The following GAS7 variants were observed in gnomAD, a reference collection of about 807,000 sequenced individuals.
The protein encoded by GAS7 is growth arrest specific 7.
Under a neutral mutation model 71.1 loss-of-function variants are expected in GAS7, and 28 were observed. The ratio of observed to expected loss-of-function variants is 0.39; its 90% CI spans 0.29 to 0.54. The LOEUF (loss-of-function observed/expected upper bound fraction) is 0.54, where lower values mean the gene tolerates loss of function less well. GAS7 is among the 20% of genes least tolerant of loss of function. The pLI, the probability that GAS7 is intolerant of heterozygous loss-of-function variation, is 0.62. For missense variants in GAS7, 436 were observed against 627.8 expected (o/e 0.69, Z 3.27); for synonymous variants, 258 against 245.8 (o/e 1.05, Z -0.46).
intron 1 of GAS7, among the ~76,000 whole-genome samples, chr17:10,149,392 C>T (rs1341624854): frequency 2.6e-5 from 4 of 152,160 alleles, no homozygotes; most frequent in African/African-American, 4.8e-5. Context: ...CGTGAGCCAC[C>T]GCGCCCGGCC....
At chr17:9,999,991 G>A (rs1216373464) in intron 2 of GAS7, among the ~76,000 whole-genome samples, 5 of 152,156 alleles carry the variant, frequency 3.3e-5, no homozygotes, top group South Asian at 2.1e-4. Flanking sequence ...TTAAAGGAGC[G>A]CTTCTCAAAC....
chr17:10,134,273 C>T (rs1011155540), intron 1 of GAS7, among the ~76,000 whole-genome samples: 17 of 151,994 alleles, frequency 1.1e-4, no homozygotes, highest in African/African-American at 3.4e-4. Context: ...CCTCATGATC[C>T]GCCCGCCTCG....
chr17:9,955,194 A>C (rs973906684), intron 5 of GAS7, among the ~76,000 whole-genome samples: 2 of 152,162 alleles, frequency 1.3e-5, no homozygotes, highest in Non-Finnish European at 2.9e-5. Flanking sequence ...ACACAGCTCC[A>C]CCCTGCGGTG....
At chr17:10,182,853 G>A (rs2074426309) in intron 1 of GAS7, among the ~76,000 whole-genome samples, 1 of 152,162 alleles carries the variant, frequency 6.6e-6, no homozygotes, top group African/African-American at 2.4e-5. Flanking sequence ...CCCAGCAACA[G>A]GCAAAAAGAC....
intron 1 of GAS7, among the ~76,000 whole-genome samples, chr17:10,130,538 A>G (rs1036196893): frequency 3.2e-4 from 48 of 152,210 alleles, no homozygotes; most frequent in Admixed American, 6.5e-5. Context: ...ACCCAAAAAC[A>G]TGTACACAAA....
chr17:10,009,344 A>G (rs1054115108), intron 2 of GAS7, among the ~76,000 whole-genome samples: 4 of 150,300 alleles, frequency 2.7e-5, no homozygotes, highest in Admixed American at 1.3e-4. Context: ...AAAGTGTTCT[A>G]CTGGAAAACT....
intron 2 of GAS7, among the ~76,000 whole-genome samples, chr17:10,005,112 C>A (rs539965191): frequency 6.8e-6 from 1 of 146,198 alleles, no homozygotes; most frequent in Non-Finnish European, 1.5e-5. Flanking sequence ...CATGTGTGTG[C>A]GTGTGCACGC....
chr17:10,182,107 T>C (rs922348007), intron 1 of GAS7, among the ~76,000 whole-genome samples: 2 of 152,134 alleles, frequency 1.3e-5, no homozygotes, highest in African/African-American at 4.8e-5. Context: ...ACAGTAAGTA[T>C]AGTCAGTCAA....
intron 1 of GAS7, among the ~76,000 whole-genome samples, chr17:10,150,341 C>T (rs72809398): frequency 0.055 from 8,315 of 151,966 alleles, 310 homozygotes; most frequent in South Asian, 0.1. Flanking sequence ...CTCCCTTCCG[C>T]CCATTCCCCT....
In GAS7 at chr17:9,959,121, G is replaced by T. The variant is rs779572291; in HGVS notation, c.525+81C>A. On this transcript the variant is annotated intron_variant, in intron 5 of 13. Coordinates refer to ENST00000432992, the MANE Select transcript of GAS7 (RefSeq NM_201433.2). This position sits in a 1 kb window ranked among gnomAD's most constrained non-coding sequence, Gnocchi z 5.0. ...GGTTGGGCATCACTTCTGCTTGGCG[G>T]TCCACATCGCCATGGCAACAGCCCA... is the stretch of plus-strand genomic sequence containing the variant. The T allele has an allele frequency of 6.7e-7, 1 of 1,488,534 alleles. No individual in the cohort carries two copies. Among genetic ancestry groups the T allele is most frequent in the Non-Finnish European group, 9.1e-7 (1 of 1,097,292 alleles). 92.2% of individuals were successfully genotyped at this position (1,488,534 alleles called of 1,614,324 possible).
rs75076136 is a variant in GAS7 at position 10,007,143 on chromosome 17, G to T, written c.304+12634C>A. 1.6e-3 allele frequency among the ~76,000 whole-genome samples: 236 copies of T among 152,184 alleles called. 2 individuals are homozygous for T. Among genetic ancestry groups the T allele is most frequent in the African/African-American group, 5.3e-3 (221 of 41,544 alleles). The stretch of plus-strand genomic sequence containing the variant: ...AGTGTCCTTGCAAATAAAAATAGGT[G>T]GTGACTGTTAGAAAACTTTGAAAAA... On this transcript the variant is annotated intron_variant, in intron 2 of 13. Transcript: ENST00000432992.
intron 1 of GAS7, among the ~76,000 whole-genome samples, chr17:10,189,104 T>C (rs528471335): frequency 6.6e-6 from 1 of 152,170 alleles, no homozygotes; most frequent in Non-Finnish European, 1.5e-5. Flanking sequence ...TCCTTTTTTT[T>C]GGGAAGAGAT....
intron 1 of GAS7, among the ~76,000 whole-genome samples, chr17:10,067,425 A>G (rs2152245179): frequency 6.6e-6 from 1 of 151,996 alleles, no homozygotes; most frequent in African/African-American, 2.4e-5. Flanking sequence ...TTGTAGTTTT[A>G]GTAGAGACGG....
intron 1 of GAS7, among the ~76,000 whole-genome samples, chr17:10,148,889 G>A (rs1304275808): frequency 7.9e-6 from 1 of 126,916 alleles, no homozygotes; most frequent in Admixed American, 8.9e-5. Context: ...CAACCTGGGC[G>A]ACAGAGAAAG....
chr17:9,980,043 G>A (rs913433635), intron 3 of GAS7, among the ~76,000 whole-genome samples: 1 of 151,636 alleles, frequency 6.6e-6, no homozygotes, highest in African/African-American at 2.4e-5. Flanking sequence ...TCCCACACAG[G>A]GGGTTCCTTT....
chr17:10,036,310 A>G, intron 1 of GAS7: 1 of 844,582 alleles, frequency 1.2e-6, no homozygotes, highest in Non-Finnish European at 2.0e-6. Flanking sequence ...ACCACAGCTC[A>G]GCAGTTAGAC....
At position 9,917,112 on chromosome 17, in the gene GAS7, T is replaced by C; in HGVS notation, c.*116A>G. On this transcript the variant is annotated 3_prime_UTR_variant, in exon 14 of 14. Coordinates refer to ENST00000432992, the MANE Select transcript of GAS7 (RefSeq NM_201433.2). ...CACCCTTCTGGAATCACCAGCTCTC[T>C]CCCCTCTCCTCAGTGGCCCAGGAGA... 1 of 724,092 alleles carries C rather than the reference T, an allele frequency of 1.4e-6. No individual in the cohort carries two copies. Among genetic ancestry groups the C allele is most frequent in the African/African-American group, 1.7e-5 (1 of 57,550 alleles). 44.9% of individuals were successfully genotyped at this position (724,092 alleles called of 1,614,324 possible). A position where few individuals can be genotyped will look rare whatever the true frequency, so the allele number is the denominator to read the frequency against.
At chr17:10,135,296 T>C (rs2074029618) in intron 1 of GAS7, among the ~76,000 whole-genome samples, 1 of 152,140 alleles carries the variant, frequency 6.6e-6, no homozygotes, top group South Asian at 2.1e-4. Flanking sequence ...GGTGGGTGTG[T>C]GTTTTGGAAA....
chr17:10,196,504 G>C lies in GAS7; in HGVS notation c.183+1704C>G, dbSNP rs1163944168. 3.9e-5 allele frequency among the ~76,000 whole-genome samples: 6 copies of C among 152,212 alleles called. No homozygotes were observed. The East Asian group carries it at 1.2e-3, about 29-fold the overall frequency. ...AGATCTCTTACCTTTGTATATGCCA[G>C]AGGATGGGACAGACACACCCAAAAC... is the stretch of plus-strand genomic sequence containing the variant. On this transcript the variant is annotated intron_variant, in intron 1 of 13. Transcript: ENST00000432992.
Sources: gnomAD v4.1 joint callset for allele counts (sites outside exome capture counted in the v4.1 genomes callset) on GRCh38, gnomAD v4.1.1 for gene constraint, Gnocchi (gnomAD v3.1) non-coding constraint, MANE v1.5 for transcripts, NCBI Gene and HGNC (gene_info 2026-07-23, HGNC 2026-07-21) for gene names.